Variants in ASIC2 observed in about 807,000 individuals in gnomAD.
ASIC2 encodes acid-sensing ion channel 2.
ASIC2 carries 25 observed loss-of-function variants against 57.3 expected under a neutral mutation model. That is an observed-to-expected ratio of 0.44 (90% CI 0.32 to 0.61). ASIC2 has a LOEUF of 0.61. Among genes scored for constraint, ASIC2 ranks in the 20% least tolerant of loss-of-function variants. The pLI is 0.06. For missense variants in ASIC2, 641 were observed against 738.1 expected (o/e 0.87, Z 1.52); for synonymous variants, 319 against 307.5 (o/e 1.04, Z -0.39).
intron 1 of ASIC2, among the ~76,000 whole-genome samples, chr17:33,570,174 G>C (rs1188174586): frequency 6.6e-6 from 1 of 152,120 alleles, no homozygotes; most frequent in Non-Finnish European, 1.5e-5. Flanking sequence ...TCACCCTTTG[G>C]GTTTTTGACT....
chr17:33,753,712 G>A (rs1163869241), intron 1 of ASIC2, among the ~76,000 whole-genome samples: 2 of 152,292 alleles, frequency 1.3e-5, no homozygotes, highest in South Asian at 2.1e-4. Flanking sequence ...TTTGAACACG[G>A]TTTGAACACT....
At chr17:33,722,496 G>A (rs1909418542) in intron 1 of ASIC2, among the ~76,000 whole-genome samples, 1 of 152,162 alleles carries the variant, frequency 6.6e-6, no homozygotes, top group Admixed American at 6.5e-5. Context: ...TGGGTGTGGT[G>A]TGGCCCATGC....
At chr17:33,247,520 G>C (rs2142127498) in intron 1 of ASIC2, among the ~76,000 whole-genome samples, 1 of 152,260 alleles carries the variant, frequency 6.6e-6, no homozygotes, top group South Asian at 2.1e-4. Flanking sequence ...CTCTAGTTTT[G>C]AACCTACCAG....
intron 1 of ASIC2, among the ~76,000 whole-genome samples, chr17:33,369,550 A>C (rs1345497235): frequency 6.6e-6 from 1 of 152,178 alleles, no homozygotes; most frequent in Non-Finnish European, 1.5e-5. Context: ...AGACACTTTA[A>C]TTGAAAGCAT....
intron 1 of ASIC2, among the ~76,000 whole-genome samples, chr17:33,900,183 T>C (rs1915200055): frequency 6.6e-6 from 1 of 152,244 alleles, no homozygotes; most frequent in Non-Finnish European, 1.5e-5. Flanking sequence ...TCATATGCAT[T>C]CTTTAAGCAT....
intron 1 of ASIC2, among the ~76,000 whole-genome samples, chr17:33,357,982 G>T (rs1056829599): frequency 5.9e-5 from 9 of 152,108 alleles, no homozygotes; most frequent in African/African-American, 2.2e-4. Flanking sequence ...TGCAGAATCT[G>T]GCAAAGCTGT....
chr17:33,632,712 G>A (rs1597814604), intron 1 of ASIC2, among the ~76,000 whole-genome samples: 1 of 152,272 alleles, frequency 6.6e-6, no homozygotes, highest in Admixed American at 6.5e-5. Flanking sequence ...GATTACAGAT[G>A]TGAACCAGTG....
At chr17:33,185,809 T>C (rs1447128701) in intron 1 of ASIC2, among the ~76,000 whole-genome samples, 2 of 152,150 alleles carry the variant, frequency 1.3e-5, no homozygotes, top group African/African-American at 4.8e-5. Flanking sequence ...GGGAATACCA[T>C]GTGTTCTATC....
chr17:33,902,902 A>G lies in ASIC2; in HGVS notation c.555+253076T>C, dbSNP rs574673695. Among the ~76,000 whole-genome samples, 3 of 152,298 alleles carry G rather than the reference A, an allele frequency of 2.0e-5. No homozygotes were observed. The East Asian group carries it at 5.8e-4, about 29-fold the overall frequency. On this transcript the variant is annotated intron_variant, in intron 1 of 9. Transcript: ENST00000359872. The stretch of plus-strand genomic sequence containing the variant: ...GTCAAACCCATCTGAAGAAACAAAC[A>G]TCACAGCAAGCATTCTGTCACTTTC...
At chr17:33,390,836 G>A (rs1353657052) in intron 1 of ASIC2, among the ~76,000 whole-genome samples, 3 of 152,166 alleles carry the variant, frequency 2.0e-5, no homozygotes, top group African/African-American at 7.2e-5. Flanking sequence ...TCATCTCAGA[G>A]GTAATATCTA....
chr17:33,905,419 C>G (rs1915326915), intron 1 of ASIC2, among the ~76,000 whole-genome samples: 1 of 152,118 alleles, frequency 6.6e-6, no homozygotes, highest in Admixed American at 6.5e-5. Context: ...TCTCATTCAT[C>G]AGAGGATAGA....
At chr17:33,805,953 T>TTA (rs1382838365) in intron 1 of ASIC2, among the ~76,000 whole-genome samples, 1 of 152,206 alleles carries the variant, frequency 6.6e-6, no homozygotes, top group Non-Finnish European at 1.5e-5. Flanking sequence ...TGCACACATA[T>TTA]TATAGTTCAA....
chr17:34,024,153 G>A (rs1339370770), intron 1 of ASIC2, among the ~76,000 whole-genome samples: 1 of 152,178 alleles, frequency 6.6e-6, no homozygotes, highest in African/African-American at 2.4e-5. Context: ...TGAAGAGCTG[G>A]AAGCCACAAG....
intron 1 of ASIC2, among the ~76,000 whole-genome samples, chr17:33,741,190 A>G (rs910457016): frequency 7.2e-5 from 11 of 152,024 alleles, no homozygotes; most frequent in Middle Eastern, 3.4e-3. Flanking sequence ...TTTTTTCACT[A>G]TGTTTTCTGG....
chr17:33,670,653 C>T (rs1907611649), intron 1 of ASIC2, among the ~76,000 whole-genome samples: 1 of 152,168 alleles, frequency 6.6e-6, no homozygotes, highest in African/African-American at 2.4e-5. Context: ...CCCTCTAATC[C>T]ATCAACCTCA....
intron 2 of ASIC2, among the ~76,000 whole-genome samples, chr17:33,101,945 T>C (rs1324869762): frequency 1.3e-5 from 2 of 152,152 alleles, no homozygotes; most frequent in East Asian, 1.9e-4. Context: ...CCAGACTCTA[T>C]GGCAGAGCTG....
chr17:33,725,408 G>A (rs1909515881), intron 1 of ASIC2, among the ~76,000 whole-genome samples: 2 of 152,076 alleles, frequency 1.3e-5, no homozygotes, highest in South Asian at 2.1e-4. Flanking sequence ...GTCCACTCAC[G>A]GGGAGGCAGG....
chr17:33,972,134 TGTTAA>T (rs754149078), intron 1 of ASIC2, among the ~76,000 whole-genome samples: 5 of 152,172 alleles, frequency 3.3e-5, no homozygotes, highest in Non-Finnish European at 7.3e-5. Flanking sequence ...GACTAATAAA[TGTTAA>T]GTTAATATTA....
At chr17:33,114,473 T>C (rs911471912) in intron 1 of ASIC2, among the ~76,000 whole-genome samples, 6 of 152,256 alleles carry the variant, frequency 3.9e-5, no homozygotes, top group African/African-American at 1.2e-4. Flanking sequence ...GCTTAAAATA[T>C]TAATTTGCCT....
Sources: gnomAD v4.1 joint callset for allele counts (sites outside exome capture counted in the v4.1 genomes callset) on GRCh38, gnomAD v4.1.1 for gene constraint, MANE v1.5 for transcripts, NCBI Gene and HGNC (gene_info 2026-07-23, HGNC 2026-07-21) for gene names.